Variants in AGBL4 observed in about 807,000 individuals in gnomAD.
AGBL4 encodes cytosolic carboxypeptidase 6.
AGBL4 carries 58 observed loss-of-function variants against 66.4 expected under a neutral mutation model. The observed-to-expected ratio is 0.87, with a 90% CI of 0.71 to 1.09. The LOEUF (loss-of-function observed/expected upper bound fraction) is 1.09. AGBL4 is among the 50% of genes least tolerant of loss of function. The pLI is 0.00. For missense variants in AGBL4, 579 were observed against 631.0 expected (o/e 0.92, Z 0.88); for synonymous variants, 234 against 222.9 (o/e 1.05, Z -0.44).
At chr1:48,751,252 A>G (rs985485215) in intron 6 of AGBL4, among the ~76,000 whole-genome samples, 3 of 152,196 alleles carry the variant, frequency 2.0e-5, no homozygotes, top group African/African-American at 7.2e-5. Flanking sequence ...GGGCTTTTAA[A>G]TTAAGCAGGA....
chr1:48,957,797 C>A (rs1298814168), intron 5 of AGBL4, among the ~76,000 whole-genome samples: 1 of 152,204 alleles, frequency 6.6e-6, no homozygotes, highest in Admixed American at 6.5e-5. Context: ...CTGATTCCAA[C>A]AACTGCCCTG....
chr1:49,843,391 G>A (rs775174955), intron 2 of AGBL4, among the ~76,000 whole-genome samples: 4 of 152,068 alleles, frequency 2.6e-5, no homozygotes, highest in Non-Finnish European at 5.9e-5. Context: ...CTCCTGCCAT[G>A]GCTGCCCAAA....
rs890009921 is a variant in AGBL4 at position 49,697,373 on chromosome 1, G to A, written c.222C>T (p.Thr74=). Reference sequence around the variant, plus strand: ...ACCAGACTCGGAAGCGTGGATTACAGGTGTCCGGCCTAATGAACAGATCAT... The same window carrying A: ...ACCAGACTCGGAAGCGTGGATTACAAGTGTCCGGCCTAATGAACAGATCAT... The part of the protein sequence containing the change: ...FEYDLFIRPD[T]CNPRFRVWFN... Residue 74 remains threonine, a synonymous_variant, in exon 3 of 14, where the codon ACC becomes ACT. Coordinates refer to ENST00000371839, the MANE Select transcript of AGBL4 (RefSeq NM_032785.4). 1 of 1,548,624 alleles carries A rather than the reference G, an allele frequency of 6.5e-7. No homozygotes were observed. Among genetic ancestry groups the A allele is most frequent in the South Asian group, 1.2e-5 (1 of 83,800 alleles).
At chr1:49,848,599 G>A (rs999510408) in intron 2 of AGBL4, among the ~76,000 whole-genome samples, 1 of 152,138 alleles carries the variant, frequency 6.6e-6, no homozygotes, top group Non-Finnish European at 1.5e-5. Flanking sequence ...TTATAAGTGA[G>A]AGCTAAATAA....
intron 5 of AGBL4, among the ~76,000 whole-genome samples, chr1:48,918,042 A>G (rs577655921): frequency 6.6e-6 from 1 of 152,288 alleles, no homozygotes; most frequent in South Asian, 2.1e-4. Context: ...GCTCTCAGGG[A>G]AACAGCTGGC....
intron 9 of AGBL4, among the ~76,000 whole-genome samples, chr1:48,593,727 G>C (rs1476466074): frequency 6.6e-6 from 1 of 152,034 alleles, no homozygotes; most frequent in Non-Finnish European, 1.5e-5. Flanking sequence ...CTCCAGCCTG[G>C]GCGACAGTGC....
intron 5 of AGBL4, among the ~76,000 whole-genome samples, chr1:48,966,813 C>T (rs772763777): frequency 1.3e-4 from 20 of 152,070 alleles, no homozygotes; most frequent in South Asian, 2.1e-4. Context: ...GCATCTTACA[C>T]AACAGCATGC....
chr1:48,643,836 C>G (rs1645795644), intron 8 of AGBL4, among the ~76,000 whole-genome samples: 1 of 152,118 alleles, frequency 6.6e-6, no homozygotes, highest in Non-Finnish European at 1.5e-5. Context: ...GATCTGGAAT[C>G]CTGAAGGGTC....
At chr1:49,112,587 C>A (rs1645434686) in intron 4 of AGBL4, among the ~76,000 whole-genome samples, 2 of 152,226 alleles carry the variant, frequency 1.3e-5, no homozygotes, top group South Asian at 4.1e-4. Context: ...TCCTCTCAAA[C>A]CCTGCCACTG....
At chr1:49,913,868 G>A (rs1329559487) in intron 1 of AGBL4, among the ~76,000 whole-genome samples, 1 of 152,214 alleles carries the variant, frequency 6.6e-6, no homozygotes, top group Non-Finnish European at 1.5e-5. Flanking sequence ...GTGCCAGAAT[G>A]CAAGAAGTAG....
chr1:49,315,339 G>T (rs945976540), intron 3 of AGBL4, among the ~76,000 whole-genome samples: 2 of 152,154 alleles, frequency 1.3e-5, no homozygotes, highest in Non-Finnish European at 1.5e-5. Context: ...CATGGGCAAA[G>T]ACTTCATGAA....
At chr1:49,209,480 A>G (rs1054722936) in intron 4 of AGBL4, among the ~76,000 whole-genome samples, 2 of 152,086 alleles carry the variant, frequency 1.3e-5, no homozygotes, top group African/African-American at 4.8e-5. Context: ...CTCTATTTCT[A>G]TTTATGTTGC....
chr1:48,668,522 C>A (rs1448481225), intron 6 of AGBL4, among the ~76,000 whole-genome samples: 1 of 152,132 alleles, frequency 6.6e-6, no homozygotes, highest in East Asian at 1.9e-4. Flanking sequence ...CTCCATGGTT[C>A]CCAAGACACG....
chr1:49,166,530 T>C (rs747276665), intron 4 of AGBL4, among the ~76,000 whole-genome samples: 3 of 152,166 alleles, frequency 2.0e-5, no homozygotes, highest in Admixed American at 6.6e-5. Context: ...ATTTATATAA[T>C]TTATCTTTGT....
intron 3 of AGBL4, among the ~76,000 whole-genome samples, chr1:49,651,761 G>A (rs1646010880): frequency 6.6e-6 from 1 of 152,144 alleles, no homozygotes; most frequent in African/African-American, 2.4e-5. Flanking sequence ...ACAGCTTCTT[G>A]AGACGAGAAG....
At chr1:49,386,901 T>C (rs1644747299) in intron 3 of AGBL4, among the ~76,000 whole-genome samples, 1 of 151,894 alleles carries the variant, frequency 6.6e-6, no homozygotes, top group Non-Finnish European at 1.5e-5. Context: ...TCAGTTATCT[T>C]AACTACAAAA....
At chr1:49,439,500 A>G (rs1038783620) in intron 3 of AGBL4, among the ~76,000 whole-genome samples, 2 of 150,952 alleles carry the variant, frequency 1.3e-5, no homozygotes, top group African/African-American at 4.9e-5. Flanking sequence ...TGTGTAGAGG[A>G]TAGGTGTGAT....
intron 3 of AGBL4, among the ~76,000 whole-genome samples, chr1:49,557,160 T>C (rs1056883078): frequency 1.3e-5 from 2 of 151,940 alleles, no homozygotes; most frequent in African/African-American, 4.8e-5. Flanking sequence ...TCTCCCACAG[T>C]GCAGAGGCGG....
At chr1:49,028,375 A>G (rs992074515) in intron 5 of AGBL4, among the ~76,000 whole-genome samples, 18 of 152,172 alleles carry the variant, frequency 1.2e-4, no homozygotes, top group African/African-American at 4.3e-4. Flanking sequence ...AATACAGGGT[A>G]ATAGCTTGAT....
Sources: gnomAD v4.1 joint callset for allele counts (sites outside exome capture counted in the v4.1 genomes callset) on GRCh38, gnomAD v4.1.1 for gene constraint, MANE v1.5 for transcripts, NCBI Gene and HGNC (gene_info 2026-07-23, HGNC 2026-07-21) for gene names.